Variants in COBLL1 observed in about 807,000 individuals in gnomAD.
COBLL1 encodes the protein cordon-bleu protein-like 1.
COBLL1 carries 50 observed loss-of-function variants against 94.8 expected under a neutral mutation model. The ratio of observed to expected loss-of-function variants is 0.53; its 90% CI spans 0.42 to 0.67. The LOEUF is 0.67. COBLL1 is among the 30% of genes least tolerant of loss of function. The probability of loss-of-function intolerance (pLI) is 0.00; values close to 1 mark genes in which losing one functional copy is unlikely to be tolerated. For synonymous variants in COBLL1, 448 were observed against 473.8 expected (o/e 0.95, Z 0.71); for missense variants, 1,362 against 1,348.7 (o/e 1.01, Z -0.15).
chr2:164,686,774 T>C (rs1574406498), intron 13 of COBLL1, among the ~76,000 whole-genome samples: 1 of 152,294 alleles, frequency 6.6e-6, no homozygotes. Flanking sequence ...ATACCTATAT[T>C]TTGAAACATC....
chr2:164,743,003 G>GA (rs1686678463), intron 3 of COBLL1, among the ~76,000 whole-genome samples: 1 of 152,084 alleles, frequency 6.6e-6, no homozygotes, highest in African/African-American at 2.4e-5. Flanking sequence ...AAGTGAAATG[G>GA]AAAATTACAC....
intron 3 of COBLL1, among the ~76,000 whole-genome samples, chr2:164,736,937 G>T (rs1361067206): frequency 6.6e-6 from 1 of 152,082 alleles, no homozygotes; most frequent in Non-Finnish European, 1.5e-5. Context: ...ACAATTTTTT[G>T]GCTTATCTGT....
intron 5 of COBLL1, chr2:164,727,255 C>A: frequency 2.0e-6 from 1 of 501,986 alleles, no homozygotes; most frequent in Non-Finnish European, 3.5e-6. Context: ...ATAAAGCCAC[C>A]ACCTCAGGAT....
chr2:164,725,101 G>GATATATATATATAT (rs760164549), intron 5 of COBLL1: 18 of 76,294 alleles, frequency 2.4e-4, no homozygotes, highest in Admixed American at 9.1e-4. Context: ...TACCCTGCAG[G>GATATATATATATAT]ATATATATAT....
At chr2:164,748,600 G>A (rs1340571224) in intron 2 of COBLL1, among the ~76,000 whole-genome samples, 1 of 152,134 alleles carries the variant, frequency 6.6e-6, no homozygotes, top group Admixed American at 6.5e-5. Context: ...AAACGGGAAT[G>A]TTTCAACCAG....
At chr2:164,795,699 A>G (rs1428723448) in intron 2 of COBLL1, among the ~76,000 whole-genome samples, 1 of 152,222 alleles carries the variant, frequency 6.6e-6, no homozygotes, top group African/African-American at 2.4e-5. Flanking sequence ...ACATTAGGAA[A>G]CGTAAAATAA....
intron 3 of COBLL1, chr2:164,743,250 C>T (rs1260394248): frequency 6.5e-6 from 1 of 154,086 alleles, no homozygotes; most frequent in African/African-American, 2.4e-5. Context: ...AGTAATAAAA[C>T]TCTTAAAATT....
At chr2:164,758,970 A>G (rs1687549858) in intron 2 of COBLL1, among the ~76,000 whole-genome samples, 1 of 152,140 alleles carries the variant, frequency 6.6e-6, no homozygotes, top group South Asian at 2.1e-4. Flanking sequence ...AATTTCAAAC[A>G]CACACTAGGT....
intron 2 of COBLL1, among the ~76,000 whole-genome samples, chr2:164,662,424 C>A (rs1334409711): frequency 6.6e-6 from 1 of 152,220 alleles, no homozygotes; most frequent in African/African-American, 2.4e-5. Flanking sequence ...ATGAAGGAAT[C>A]ATAAATGGCT....
chr2:164,778,965 A>G (rs576901487), intron 2 of COBLL1, among the ~76,000 whole-genome samples: 55 of 152,256 alleles, frequency 3.6e-4, no homozygotes, highest in African/African-American at 1.3e-3. Flanking sequence ...GATGAGACCA[A>G]CCGCAACTAG....
At chr2:164,805,329 CTCTCTCTCTATA>C (rs1181105036) in intron 2 of COBLL1, among the ~76,000 whole-genome samples, 615 of 22,548 alleles carry the variant, frequency 0.027, 7 homozygotes, top group Non-Finnish European at 0.032. Flanking sequence ...CTCTCTCTCT[CTCTCTCTCTATA>C]TATATATATA....
chr2:164,657,944 T>C (rs1691003496), intron 2 of COBLL1, among the ~76,000 whole-genome samples: 1 of 151,072 alleles, frequency 6.6e-6, no homozygotes, highest in Admixed American at 6.6e-5. Flanking sequence ...TGAAGTAGAG[T>C]GAAAACAGAG....
intron 9 of COBLL1, among the ~76,000 whole-genome samples, 166 bp from the exon 10 acceptor site, chr2:164,700,922 A>G (rs1431762662): frequency 6.6e-6 from 1 of 152,220 alleles, no homozygotes; most frequent in East Asian, 1.9e-4. Context: ...TCACGTTAAC[A>G]TAAAACCAGA....
intron 2 of COBLL1, among the ~76,000 whole-genome samples, chr2:164,817,021 C>T (rs931092553): frequency 2.0e-5 from 3 of 152,044 alleles, no homozygotes; most frequent in Non-Finnish European, 2.9e-5. Flanking sequence ...GAGTCAGAAC[C>T]CAGCTATATG....
In COBLL1 at chr2:164,694,795, G is replaced by A. The variant is rs767644391; in HGVS notation, c.2597C>T (p.Ser866Phe). ...TCTCTTCTGCATCTGCAAAAAAAAA[G>A]AGCTGGGTTTGGCCTGGGCATTTGA... ...RASNAQAKPS[S>F]FFLQMQKRVS... Residue 866 changes from serine (S) to phenylalanine (F), a missense_variant, in exon 12 of 14, where the codon TCT becomes TTT. By Grantham distance (155) the Ser-to-Phe change is radical. Transcript: ENST00000652658. The A allele has an allele frequency of 1.2e-6, 2 of 1,613,286 alleles. No homozygotes were observed. The highest frequency in any genetic ancestry group is 1.7e-6 in the Non-Finnish European group (2 of 1,179,802).
At chr2:164,705,206 G>A (rs939801207) in intron 7 of COBLL1, 101 bp from the exon 8 acceptor site, 7 of 844,576 alleles carry the variant, frequency 8.3e-6, no homozygotes, top group African/African-American at 1.8e-5. Context: ...ATATCCAAAT[G>A]GAACATAACA....
intron 2 of COBLL1, chr2:164,779,917 C>A (rs2105272305): frequency 3.9e-6 from 1 of 256,558 alleles, no homozygotes; most frequent in East Asian, 8.4e-5. Flanking sequence ...TCATATTGCA[C>A]TCAGGGCCAA....
intron 2 of COBLL1, among the ~76,000 whole-genome samples, chr2:164,752,538 T>C (rs1687178492): frequency 6.6e-6 from 1 of 152,210 alleles, no homozygotes; most frequent in Non-Finnish European, 1.5e-5. Context: ...TTTAATCTTA[T>C]GAGGCAGTTA....
In COBLL1 at chr2:164,841,667, A is replaced by G. The variant is rs780848465; in HGVS notation, c.-51+43T>C. ...CCTAGGAAAACTTTTCCCGAAGAGA[A>G]GTTGGGAGGGCTGATCTCTCTTTTC... is the stretch of plus-strand genomic sequence containing the variant. On this transcript the variant is annotated intron_variant, in intron 1 of 13. Transcript: ENST00000652658. This position sits in a 1 kb window ranked among gnomAD's most constrained non-coding sequence, Gnocchi z 5.5. 6.8e-4 allele frequency: 250 copies of G among 365,878 alleles called. No homozygotes were observed. The highest frequency in any genetic ancestry group is 1.0e-3 in the Non-Finnish European group (212 of 206,286). 22.7% of individuals were successfully genotyped at this position (365,878 alleles called of 1,614,324 possible). A position where few individuals can be genotyped will look rare whatever the true frequency, so the allele number is the denominator to read the frequency against.
Sources: allele counts gnomAD v4.1 joint callset (sites outside exome capture counted in the v4.1 genomes callset), GRCh38; gene constraint gnomAD v4.1.1; non-coding constraint Gnocchi (gnomAD v3.1); transcripts MANE v1.5; gene names NCBI Gene and HGNC (gene_info 2026-07-23, HGNC 2026-07-21).